CFH: variants seen among roughly 807,000 people sequenced by gnomAD.
CFH encodes the protein H factor 1 (complement).
Under a neutral mutation model 147.3 loss-of-function variants are expected in CFH, and 53 were observed. The observed-to-expected ratio is 0.36, with a 90% CI of 0.29 to 0.45. The LOEUF is 0.45. Among genes scored for constraint, CFH ranks in the 20% least tolerant of loss-of-function variants. CFH has a pLI of 1.00. For synonymous variants in CFH, 536 were observed against 489.4 expected (o/e 1.10, Z -1.26); for missense variants, 1,380 against 1,498.0 (o/e 0.92, Z 1.30).
intron 9 of CFH, among the ~76,000 whole-genome samples, chr1:196,693,400 C>G (rs1018705382): frequency 3.3e-5 from 5 of 152,104 alleles, no homozygotes; most frequent in African/African-American, 7.2e-5. Flanking sequence ...AGAGTAGTCT[C>G]TACTTACCTG....
intron 6 of CFH, among the ~76,000 whole-genome samples, chr1:196,681,249 A>G (rs977816456): frequency 6.6e-6 from 1 of 151,898 alleles, no homozygotes; most frequent in African/African-American, 2.4e-5. Flanking sequence ...AATGAATTCA[A>G]AATAAGACTC....
chr1:196,700,679 A>G lies in CFH; in HGVS notation c.1336+10440A>G, dbSNP rs541454764. 9 of 235,526 alleles carry G rather than the reference A, an allele frequency of 3.8e-5. No individual in the cohort carries two copies. The East Asian group carries it at 1.1e-3, about 28-fold the overall frequency. The allele number at this position is 235,526 out of a possible 1,614,324, so 14.6% of individuals were successfully genotyped here. The stretch of plus-strand genomic sequence containing the variant: ...AAAAAAAAAAAAAAAGAAAAGAAAA[A>G]AAAATTCATGGCAAGCCACTCTCCT... On this transcript the variant is annotated intron_variant, in intron 9 of 21. Coordinates refer to ENST00000367429, the MANE Select transcript of CFH (RefSeq NM_000186.4).
chr1:196,695,569 A>G (rs987632024), intron 9 of CFH, among the ~76,000 whole-genome samples: 20 of 150,132 alleles, frequency 1.3e-4, no homozygotes, highest in African/African-American at 4.9e-4. Flanking sequence ...AGATGGGAAT[A>G]GCATTGTATG....
chr1:196,677,520 G>T lies in CFH; in HGVS notation c.472G>T (p.Val158Phe), dbSNP rs141852866. 6.2e-7 allele frequency: 1 copy of T among 1,613,060 alleles called. No homozygotes were observed. Among genetic ancestry groups the T allele is most frequent in the African/African-American group, 1.3e-5 (1 of 74,814 alleles). Residue 158 changes from valine to phenylalanine, a missense_variant, in exon 5 of 22, where the codon GTC (valine) becomes TTC (phenylalanine). By Grantham distance (50) the Val-to-Phe change is conservative (BLOSUM62 -1). Coordinates refer to ENST00000367429, the MANE Select transcript of CFH (RefSeq NM_000186.4). Reference protein sequence around the residue: ...PVTAPENGKIVSSAMEPDREY... With the variant: ...PVTAPENGKIFSSAMEPDREY... ...GACAGCACCAGAGAATGGAAAAATT[G>T]TCAGTAGTGCAATGGAACCAGATCG...
intron 1 of CFH, among the ~76,000 whole-genome samples, chr1:196,665,153 G>A (rs1667038818): frequency 6.6e-6 from 1 of 151,424 alleles, no homozygotes; most frequent in Non-Finnish European, 1.5e-5. Flanking sequence ...TTTTTCTTTA[G>A]ATAGTGTTTA....
rs542751195 is a variant in CFH at position 196,658,356 on chromosome 1, T to A, written c.58+6181T>A. On this transcript the variant is annotated intron_variant, in intron 1 of 21. Transcript: ENST00000367429. ...TCGACCTCCTGGGCTCAAGCAGTCC[T>A]CCCACCTAAGCATCCCAAGTAGCAG... 2.0e-5 allele frequency among the ~76,000 whole-genome samples: 3 copies of A among 146,934 alleles called. No individual in the cohort carries two copies. In the East Asian group the frequency reaches 6.2e-4, roughly 31 times the overall value.
intron 16 of CFH, 73 bp from the exon 17 acceptor site, chr1:196,737,402 T>C: frequency 9.4e-7 from 1 of 1,062,968 alleles, no homozygotes; most frequent in Non-Finnish European, 1.4e-6. Flanking sequence ...AAATCCGAAA[T>C]AGTATTTAGT....
intron 6 of CFH, among the ~76,000 whole-genome samples, chr1:196,682,018 T>C (rs1346900931): frequency 6.6e-6 from 1 of 151,786 alleles, no homozygotes; most frequent in Non-Finnish European, 1.5e-5. Context: ...AATAATCTAC[T>C]TAAATTTTAA....
rs368206533 is a variant in CFH at position 196,725,272 on chromosome 1, G to T, written c.1848G>T (p.Leu616Phe). ...PNSVQCYHFG[L>F]SPDLPICKEQ... ...CCGTTCAGTGCTACCACTTTGGATTGTCTCCTGACCTCCCAATATGTAAAG... is the reference window on the plus strand; with the variant it reads ...CCGTTCAGTGCTACCACTTTGGATTTTCTCCTGACCTCCCAATATGTAAAG... The change falls in exon 12 of 22, where the codon TTG (leucine) becomes TTT (phenylalanine). Residue 616 changes from leucine to phenylalanine, a missense_variant. Leu to Phe is a conservative substitution (Grantham distance 22). This residue lies in a region of CFH where 830 missense variants were observed against 821.4 expected (regional missense o/e 1.01). Transcript: ENST00000367429. The T allele has an allele frequency of 6.2e-7, 1 of 1,613,716 alleles. No individual in the cohort carries two copies. Among genetic ancestry groups the T allele is most frequent in the Non-Finnish European group, 8.5e-7 (1 of 1,179,826 alleles).
At chr1:196,657,912 A>T (rs1666759397) in intron 1 of CFH, among the ~76,000 whole-genome samples, 1 of 152,174 alleles carries the variant, frequency 6.6e-6, no homozygotes, top group Non-Finnish European at 1.5e-5. Flanking sequence ...ATATAATTTT[A>T]TCATGATTTA....
At chr1:196,717,273 G>C (rs777739592) in intron 11 of CFH, among the ~76,000 whole-genome samples, 1 of 152,016 alleles carries the variant, frequency 6.6e-6, no homozygotes, top group East Asian at 1.9e-4. Flanking sequence ...ACTCTTTCTT[G>C]TTGGTAAAAT....
At chr1:196,732,147 TC>T (rs1669294829) in intron 15 of CFH, among the ~76,000 whole-genome samples, 1 of 152,054 alleles carries the variant, frequency 6.6e-6, no homozygotes, top group African/African-American at 2.4e-5. Context: ...TAGTATTCCA[TC>T]TGGATCTTAA....
intron 9 of CFH, among the ~76,000 whole-genome samples, chr1:196,692,798 CTT>C (rs1222587264): frequency 3.2e-4 from 22 of 68,562 alleles, no homozygotes; most frequent in African/African-American, 4.6e-4. Context: ...TTCTTTCTTT[CTT>C]TCTTTCTTTC....
At chr1:196,669,781 G>C (rs1013506830) in intron 1 of CFH, among the ~76,000 whole-genome samples, 1 of 152,334 alleles carries the variant, frequency 6.6e-6, no homozygotes, top group African/African-American at 2.4e-5. Flanking sequence ...GGTCCCAGTG[G>C]GGCACTACCT....
chr1:196,673,057 C>G lies in CFH; in HGVS notation c.138C>G (p.Thr46=). The G allele has an allele frequency of 8.7e-6, 14 of 1,613,900 alleles. No individual in the cohort carries two copies. The highest frequency in any genetic ancestry group is 1.2e-5 in the Non-Finnish European group (14 of 1,179,922). ...CTGACCAAACATATCCAGAAGGCACCCAGGCTATCTATAAATGCCGCCCTG... is the reference window on the plus strand; with the variant it reads ...CTGACCAAACATATCCAGAAGGCACGCAGGCTATCTATAAATGCCGCCCTG... The part of the protein sequence containing the change: ...SWSDQTYPEG[T]QAIYKCRPGY... Residue 46 remains threonine (T), a synonymous_variant, in exon 2 of 22, where the codon ACC becomes ACG. Coordinates refer to ENST00000367429, the MANE Select transcript of CFH (RefSeq NM_000186.4).
At chr1:196,682,028 A>C (rs1667675362) in intron 6 of CFH, among the ~76,000 whole-genome samples, 1 of 151,794 alleles carries the variant, frequency 6.6e-6, no homozygotes, top group African/African-American at 2.4e-5. Context: ...TTAAATTTTA[A>C]ATACTTTAAT....
At chr1:196,695,662 TTGGCCCTCTCTTATTTCCC>T (rs1302279738) in intron 9 of CFH, among the ~76,000 whole-genome samples, 1 of 152,128 alleles carries the variant, frequency 6.6e-6, no homozygotes, top group East Asian at 1.9e-4. Flanking sequence ...TCTATTTATT[TTGGCCCTCTCTTATTTCCC>T]TGAGCAGTGG....
chr1:196,678,830 G>A (rs1667545336), intron 5 of CFH: 1 of 152,076 alleles, frequency 6.6e-6, no homozygotes, highest in Non-Finnish European at 1.5e-5. Context: ...ATTGTTCCTA[G>A]GCACCTTAGT....
chr1:196,739,774 T>C (rs1309402286), intron 17 of CFH, among the ~76,000 whole-genome samples: 1 of 152,204 alleles, frequency 6.6e-6, no homozygotes, highest in Non-Finnish European at 1.5e-5. Flanking sequence ...CCAAAGCTGC[T>C]TCCACATTTT....
Sources: gnomAD v4.1 joint callset for allele counts (sites outside exome capture counted in the v4.1 genomes callset) on GRCh38, gnomAD v4.1.1 for gene constraint, gnomAD v4.1.1 regional missense constraint, MANE v1.5 for transcripts, NCBI Gene and HGNC (gene_info 2026-07-23, HGNC 2026-07-21) for gene names.